PTPRN2: variants seen among roughly 807,000 people sequenced by gnomAD.
PTPRN2 encodes protein tyrosine phosphatase receptor type N2.
PTPRN2 carries 74 observed loss-of-function variants against 118.8 expected under a neutral mutation model. That is an observed-to-expected ratio of 0.62 (90% CI 0.52 to 0.76). PTPRN2 has a LOEUF of 0.76. Among genes scored for constraint, PTPRN2 ranks in the 30% least tolerant of loss-of-function variants. The pLI is 0.00. For synonymous variants in PTPRN2, 641 were observed against 608.0 expected, an observed-to-expected ratio of 1.05 and a Z score of -0.80; for missense variants, 1,481 against 1,394.4, an observed-to-expected ratio of 1.06 and a Z score of -0.99.
At chr7:157,911,713 G>T (rs565970972) in intron 11 of PTPRN2, among the ~76,000 whole-genome samples, 1 of 152,036 alleles carries the variant, frequency 6.6e-6, no homozygotes, top group Non-Finnish European at 1.5e-5. Context: ...AGCTCTTCTC[G>T]GTCCTATCAA....
chr7:158,455,212 C>T (rs529265150), intron 2 of PTPRN2, among the ~76,000 whole-genome samples: 26 of 152,294 alleles, frequency 1.7e-4, no homozygotes, highest in African/African-American at 6.0e-4. Flanking sequence ...CGGACGCCAT[C>T]GGCCACGGCC....
At chr7:157,709,648 G>C (rs1798501075) in intron 12 of PTPRN2, among the ~76,000 whole-genome samples, 3 of 152,226 alleles carry the variant, frequency 2.0e-5, no homozygotes, top group Admixed American at 1.3e-4. Flanking sequence ...GGGCGGTCCT[G>C]CTACATGGGA....
chr7:157,986,606 C>T lies in PTPRN2; in HGVS notation c.1724-87869G>A, dbSNP rs1027785767. On this transcript the variant is annotated intron_variant, in intron 11 of 22. Transcript: ENST00000389418. This position sits in a 1 kb window ranked among gnomAD's most constrained non-coding sequence, Gnocchi z 4.5. ...ACTATTCAGACATCACGCTTCCTTT[C>T]GTCCTCACTCAAAATTCCCATTCAC... Among the ~76,000 whole-genome samples, 1 of 152,200 alleles carries T rather than the reference C, an allele frequency of 6.6e-6. No homozygotes were observed. Among genetic ancestry groups the T allele is most frequent in the African/African-American group, 2.4e-5 (1 of 41,452 alleles).
At chr7:157,916,886 A>C (rs1366107763) in intron 11 of PTPRN2, among the ~76,000 whole-genome samples, 1 of 120,234 alleles carries the variant, frequency 8.3e-6, no homozygotes, top group Non-Finnish European at 1.7e-5. Flanking sequence ...CCCCAGCTGA[A>C]GGTCCCCACC....
At chr7:158,338,451 G>C (rs371903284) in intron 2 of PTPRN2, among the ~76,000 whole-genome samples, 69 of 8,008 alleles carry the variant, frequency 8.6e-3, no homozygotes, top group South Asian at 0.014. Flanking sequence ...CCCACACTCT[G>C]ACCATAAGAG....
At chr7:158,398,261 A>AGATT (rs1159457017) in intron 2 of PTPRN2, among the ~76,000 whole-genome samples, 1 of 152,244 alleles carries the variant, frequency 6.6e-6, no homozygotes, top group Non-Finnish European at 1.5e-5. Context: ...GGTGGTAGCA[A>AGATT]GATTGAGTAT....
intron 1 of PTPRN2, among the ~76,000 whole-genome samples, chr7:158,543,621 T>C (rs754846482): frequency 1.3e-5 from 2 of 152,262 alleles, no homozygotes; most frequent in Non-Finnish European, 2.9e-5. Context: ...TGTGATCTTA[T>C]GTTAAGTGCT....
intron 3 of PTPRN2, among the ~76,000 whole-genome samples, chr7:158,267,255 G>A (rs529718797): frequency 4.8e-4 from 73 of 152,346 alleles, no homozygotes; most frequent in Admixed American, 2.3e-3. Context: ...GAGCACACGG[G>A]ATGATGGGTG....
intron 12 of PTPRN2, among the ~76,000 whole-genome samples, chr7:157,836,210 GCATGC>G (rs779772660): frequency 1.3e-5 from 2 of 152,176 alleles, no homozygotes; most frequent in Non-Finnish European, 2.9e-5. Flanking sequence ...CTAAATAATT[GCATGC>G]ACTTAAATGA....
intron 19 of PTPRN2, chr7:157,574,536 G>T: frequency 2.4e-5 from 7 of 293,406 alleles, no homozygotes; most frequent in East Asian, 7.7e-5. Flanking sequence ...GAGAGAGAGA[G>T]TTTTTAAAGC....
At chr7:157,885,936 G>C (rs1467412095) in intron 12 of PTPRN2, among the ~76,000 whole-genome samples, 2 of 152,224 alleles carry the variant, frequency 1.3e-5, no homozygotes, top group East Asian at 3.9e-4. Context: ...ACACACCCCG[G>C]GAGGGGGCGA....
At chr7:158,441,030 ACAGTGGTAGTAGTGATGG>A (rs1817029313) in intron 2 of PTPRN2, among the ~76,000 whole-genome samples, 1 of 117,360 alleles carries the variant, frequency 8.5e-6, no homozygotes, top group African/African-American at 3.7e-5. Context: ...GGTGGTGGTG[ACAGTGGTAGTAGTGATGG>A]TGGTAGTGAT....
chr7:158,052,745 G>C (rs977692708), intron 11 of PTPRN2, among the ~76,000 whole-genome samples: 1 of 152,104 alleles, frequency 6.6e-6, no homozygotes, highest in African/African-American at 2.4e-5. Flanking sequence ...GAGGGTAGAG[G>C]GGTGCAGCCA....
At chr7:158,089,907 CTGT>C (rs1445937704) in intron 10 of PTPRN2, among the ~76,000 whole-genome samples, 6 of 44,312 alleles carry the variant, frequency 1.4e-4, no homozygotes, top group Admixed American at 2.3e-4. Context: ...TCACACAAAC[CTGT>C]CTTCCCCTGA....
chr7:158,267,252 C>T (rs188585073), intron 3 of PTPRN2, among the ~76,000 whole-genome samples: 130 of 152,338 alleles, frequency 8.5e-4, no homozygotes, highest in Admixed American at 1.4e-3. Context: ...TGTGAGCACA[C>T]GGGATGATGG....
chr7:158,499,785 A>G (rs200607833), intron 1 of PTPRN2, among the ~76,000 whole-genome samples: 16 of 143,704 alleles, frequency 1.1e-4, no homozygotes, highest in East Asian at 4.5e-4. Flanking sequence ...ATATGTGTGT[A>G]TGTGTGTGTG....
intron 2 of PTPRN2, among the ~76,000 whole-genome samples, chr7:158,327,451 C>A (rs192303952): frequency 1.6e-3 from 232 of 149,582 alleles, no homozygotes; most frequent in African/African-American, 5.4e-3. Context: ...ATGCACACAC[C>A]TGCTCACACA....
intron 15 of PTPRN2, among the ~76,000 whole-genome samples, chr7:157,607,854 G>A (rs1485449849): frequency 6.6e-6 from 1 of 152,148 alleles, no homozygotes; most frequent in Non-Finnish European, 1.5e-5. Context: ...CGATGGCAGA[G>A]GGGGAATCTG....
At chr7:158,187,639 T>A (rs976237375) in intron 5 of PTPRN2, among the ~76,000 whole-genome samples, 1 of 152,206 alleles carries the variant, frequency 6.6e-6, no homozygotes, top group African/African-American at 2.4e-5. Context: ...TGCATTTTTT[T>A]AAATACTGAG....
Sources: allele counts gnomAD v4.1 joint callset (sites outside exome capture counted in the v4.1 genomes callset), GRCh38; gene constraint gnomAD v4.1.1; non-coding constraint Gnocchi (gnomAD v3.1); transcripts MANE v1.5; gene names NCBI Gene and HGNC (gene_info 2026-07-23, HGNC 2026-07-21).